NFIA: variants seen among roughly 807,000 people sequenced by gnomAD.
NFIA encodes nuclear factor 1 A-type.
A neutral mutation model predicts 62.8 loss-of-function variants in NFIA; 8 were observed. The ratio of observed to expected loss-of-function variants is 0.13; its 90% CI spans 0.07 to 0.23. The LOEUF is 0.23. NFIA is among the 10% of genes least tolerant of loss of function. The pLI is 1.00. For missense variants in NFIA, 410 were observed against 642.1 expected (o/e 0.64, Z 3.91); for synonymous variants, 235 against 238.1 (o/e 0.99, Z 0.12).
intron 3 of NFIA, among the ~76,000 whole-genome samples, chr1:61,303,611 A>T (rs1228917890): frequency 6.6e-6 from 1 of 152,154 alleles, no homozygotes; most frequent in East Asian, 1.9e-4. Context: ...GAGAAAAGGA[A>T]CTCAGGTAAA....
At chr1:61,217,864 C>T (rs1007397982) in intron 2 of NFIA, among the ~76,000 whole-genome samples, 5 of 152,166 alleles carry the variant, frequency 3.3e-5, no homozygotes, top group African/African-American at 1.2e-4. Flanking sequence ...GGGCAGGCTG[C>T]TTATTATCCA....
chr1:61,193,562 A>G (rs539927488), intron 2 of NFIA, among the ~76,000 whole-genome samples: 7 of 152,312 alleles, frequency 4.6e-5, no homozygotes, highest in Non-Finnish European at 8.8e-5. Context: ...TGTTGGCAAA[A>G]TTCATTGTAG....
intron 10 of NFIA, among the ~76,000 whole-genome samples, chr1:61,436,812 T>G (rs982348668): frequency 6.6e-6 from 1 of 152,236 alleles, no homozygotes; most frequent in African/African-American, 2.4e-5. Context: ...GAATTTTTCT[T>G]AAGGTCTCAC....
At chr1:61,279,507 GTTCT>G (rs1336924425) in intron 3 of NFIA, among the ~76,000 whole-genome samples, 3 of 151,534 alleles carry the variant, frequency 2.0e-5, no homozygotes, top group Non-Finnish European at 2.9e-5. Flanking sequence ...GACTAGTTTC[GTTCT>G]TTATTTTCCA....
At chr1:61,402,760 C>G (rs1259731990) in intron 7 of NFIA, among the ~76,000 whole-genome samples, 1 of 152,178 alleles carries the variant, frequency 6.6e-6, no homozygotes, top group Non-Finnish European at 1.5e-5. Context: ...TTGCACCAGA[C>G]CACCTGCAAG....
Position 61,088,048 on chromosome 1 carries a change from A to T in NFIA, c.28-101A>T. Reference sequence around the variant, plus strand: ...AACAGAATGCTCTAATCAAATTTCAAGTGAAATGAGGAATTTCTTTCTTAA... The same window carrying T: ...AACAGAATGCTCTAATCAAATTTCATGTGAAATGAGGAATTTCTTTCTTAA... On this transcript the variant is annotated intron_variant, in intron 1 of 10. Coordinates refer to ENST00000403491, the MANE Select transcript of NFIA (RefSeq NM_001134673.4). The surrounding 1 kb of genome is among the most constrained non-coding windows in gnomAD (Gnocchi z 4.5). 8.2e-7 allele frequency: 1 copy of T among 1,221,912 alleles called. No homozygotes were observed. Among genetic ancestry groups the T allele is most frequent in the Non-Finnish European group, 1.1e-6 (1 of 878,252 alleles). The allele number at this position is 1,221,912 out of a possible 1,614,324, so 75.7% of individuals were successfully genotyped here.
chr1:61,245,361 A>G (rs1655575808), intron 2 of NFIA, among the ~76,000 whole-genome samples: 1 of 152,192 alleles, frequency 6.6e-6, no homozygotes, highest in Admixed American at 6.5e-5. Flanking sequence ...ATAAATATAA[A>G]GTAAATTTTC....
chr1:61,331,705 C>T (rs1049831038), intron 3 of NFIA, among the ~76,000 whole-genome samples: 8 of 152,132 alleles, frequency 5.3e-5, no homozygotes, highest in Non-Finnish European at 1.0e-4. Context: ...TGGGAAACTA[C>T]ATACCATAGA....
chr1:61,398,028 G>A (rs993493649), intron 7 of NFIA, among the ~76,000 whole-genome samples: 3 of 152,236 alleles, frequency 2.0e-5, no homozygotes, highest in Non-Finnish European at 1.5e-5. Context: ...CACAGCAGGT[G>A]CTTGGAGAGT....
chr1:61,267,672 G>A (rs1657258306), intron 2 of NFIA, among the ~76,000 whole-genome samples: 1 of 152,202 alleles, frequency 6.6e-6, no homozygotes, highest in South Asian at 2.1e-4. Context: ...CAGGGCTGCT[G>A]TAAATTGTTC....
At chr1:61,212,816 G>A (rs564439927) in intron 2 of NFIA, among the ~76,000 whole-genome samples, 36 of 152,314 alleles carry the variant, frequency 2.4e-4, no homozygotes, top group Admixed American at 1.4e-3. Context: ...GAAGGAGGCC[G>A]TGTGGTTAAA....
chr1:61,419,021 C>T (rs575632891), intron 9 of NFIA, among the ~76,000 whole-genome samples: 5 of 152,282 alleles, frequency 3.3e-5, no homozygotes, highest in African/African-American at 1.2e-4. Context: ...ACAGCATACA[C>T]ATAAAAATAA....
intron 2 of NFIA, among the ~76,000 whole-genome samples, chr1:61,095,790 G>A (rs893705892): frequency 8.5e-5 from 13 of 152,082 alleles, no homozygotes; most frequent in East Asian, 1.9e-4. Flanking sequence ...AAACTAATTC[G>A]TTCTAGATGC....
At chr1:61,154,999 G>T (rs182647137) in intron 2 of NFIA, among the ~76,000 whole-genome samples, 15 of 152,178 alleles carry the variant, frequency 9.9e-5, no homozygotes, top group Non-Finnish European at 1.9e-4. Flanking sequence ...ATTCTGTCTT[G>T]GTTACTTGTT....
At chr1:61,419,347 A>G (rs114163191) in intron 9 of NFIA, among the ~76,000 whole-genome samples, 1,890 of 152,274 alleles carry the variant, frequency 0.012, 18 homozygotes, top group Non-Finnish European at 0.017. Context: ...CTACCGGAAA[A>G]GCTGAGGTGG....
At chr1:61,339,458 T>A (rs7538641) in intron 4 of NFIA, among the ~76,000 whole-genome samples, 5,773 of 152,284 alleles carry the variant, frequency 0.038, 373 homozygotes, top group African/African-American at 0.13. Flanking sequence ...TTGCAAATGT[T>A]ACATTTTCTA....
chr1:61,151,029 T>C (rs1162024383), intron 2 of NFIA, among the ~76,000 whole-genome samples: 1 of 152,176 alleles, frequency 6.6e-6, no homozygotes, highest in Non-Finnish European at 1.5e-5. Context: ...TGTTCTTCTT[T>C]TAATCAACCA....
intron 5 of NFIA, among the ~76,000 whole-genome samples, chr1:61,357,815 A>G (rs1663044212): frequency 6.6e-6 from 1 of 152,150 alleles, no homozygotes; most frequent in South Asian, 2.1e-4. Context: ...AAACGTGAAG[A>G]AGAGATTTCC....
intron 10 of NFIA, among the ~76,000 whole-genome samples, chr1:61,447,791 C>T (rs1023955615): frequency 9.2e-5 from 14 of 152,060 alleles, no homozygotes; most frequent in African/African-American, 3.1e-4. Context: ...TTTGAACTGC[C>T]GTGTCCACGG....
Sources: allele counts gnomAD v4.1 joint callset (sites outside exome capture counted in the v4.1 genomes callset), GRCh38; gene constraint gnomAD v4.1.1; non-coding constraint Gnocchi (gnomAD v3.1); transcripts MANE v1.5; gene names NCBI Gene and HGNC (gene_info 2026-07-23, HGNC 2026-07-21).